The following ZNF571 variants were observed in gnomAD, a reference collection of about 807,000 sequenced individuals.
ZNF571 encodes zinc finger protein 571.
A neutral mutation model predicts 7.7 loss-of-function variants in ZNF571; 4 were observed. That is an observed-to-expected ratio of 0.52 (90% confidence interval 0.25 to 1.18). The LOEUF (loss-of-function observed/expected upper bound fraction) is 1.18, where lower values mean the gene tolerates loss of function less well. Ranked by LOEUF, ZNF571 falls within the 50% of genes most tolerant of loss-of-function variation. The pLI is 0.14. For missense variants in ZNF571, 704 were observed against 726.9 expected, an observed-to-expected ratio of 0.97 and a Z score of 0.36; for synonymous variants, 251 against 232.4, an observed-to-expected ratio of 1.08 and a Z score of -0.73.
chr19:37,593,307 G>T (rs1009653238), intron 1 of ZNF571, among the ~76,000 whole-genome samples: 1 of 152,130 alleles, frequency 6.6e-6, no homozygotes, highest in Non-Finnish European at 1.5e-5. Context: ...TGAACATGTT[G>T]GGGTTCGTAT....
chr19:37,566,527 G>A (rs2042867220), intron 3 of ZNF571: 2 of 444,044 alleles, frequency 4.5e-6, no homozygotes, highest in Non-Finnish European at 7.8e-6. Context: ...TCAAACTTTG[G>A]AATGGCTTAG....
At chr19:37,570,798 G>A (rs768875835) in intron 3 of ZNF571, among the ~76,000 whole-genome samples, 3 of 152,004 alleles carry the variant, frequency 2.0e-5, no homozygotes, top group Non-Finnish European at 4.4e-5. Flanking sequence ...TAAATAGAAG[G>A]CATTATAGCA....
intron 2 of ZNF571, chr19:37,585,691 A>C (rs1329712201): frequency 6.6e-6 from 1 of 152,194 alleles, no homozygotes; most frequent in African/African-American, 2.4e-5. Flanking sequence ...CATCTCTTAA[A>C]CTTTCAAGTG....
At chr19:37,570,796 A>G (rs2043022511) in intron 3 of ZNF571, among the ~76,000 whole-genome samples, 1 of 152,208 alleles carries the variant, frequency 6.6e-6, no homozygotes, top group African/African-American at 2.4e-5. Context: ...TATAAATAGA[A>G]GGCATTATAG....
At chr19:37,587,011 C>T (rs13744) in intron 1 of ZNF571, 71,672 of 291,970 alleles carry the variant, frequency 0.25, 11,011 homozygotes, top group East Asian at 0.67. Flanking sequence ...GAGCCCCCCA[C>T]CATCCTCCTG....
At chr19:37,571,318 A>T (rs939785673) in intron 3 of ZNF571, among the ~76,000 whole-genome samples, 2 of 152,048 alleles carry the variant, frequency 1.3e-5, no homozygotes, top group South Asian at 4.1e-4. Flanking sequence ...AACATGGTGA[A>T]ACTCCCAGCT....
At chr19:37,577,616 A>C (rs1165581504) in intron 3 of ZNF571, among the ~76,000 whole-genome samples, 1 of 152,230 alleles carries the variant, frequency 6.6e-6, no homozygotes, top group African/African-American at 2.4e-5. Flanking sequence ...CAAGCTACCC[A>C]CAGACTAACT....
intron 2 of ZNF571, 64 bp from the exon 3 acceptor site, chr19:37,584,161 A>T (rs1238776539): frequency 6.2e-7 from 1 of 1,607,818 alleles, no homozygotes; most frequent in Non-Finnish European, 8.5e-7. Context: ...AATGAGAAGA[A>T]AATGGAGGAG....
chr19:37,574,338 G>C (rs180808213), intron 3 of ZNF571, among the ~76,000 whole-genome samples: 1 of 152,168 alleles, frequency 6.6e-6, no homozygotes, highest in East Asian at 1.9e-4. Context: ...GGACAACCCT[G>C]CTTTTCAACT....
intron 1 of ZNF571, among the ~76,000 whole-genome samples, chr19:37,589,075 T>C (rs934235414): frequency 2.0e-5 from 3 of 151,400 alleles, no homozygotes; most frequent in Admixed American, 6.6e-5. Context: ...TGGCGGGTGC[T>C]TGTGATCCCA....
At chr19:37,575,486 GACA>G (rs1330598824) in intron 3 of ZNF571, 2 of 152,118 alleles carry the variant, frequency 1.3e-5, no homozygotes, top group Non-Finnish European at 2.9e-5. Context: ...ATCAATCCTT[GACA>G]ACAAGCTTAT....
intron 3 of ZNF571, among the ~76,000 whole-genome samples, chr19:37,579,294 G>GGGGGAACT (rs2043360573): frequency 6.6e-6 from 1 of 152,184 alleles, no homozygotes; most frequent in Non-Finnish European, 1.5e-5. Flanking sequence ...TAGGGGCCTG[G>GGGGGAACT]GGGGAACTGG....
chr19:37,575,177 A>G (rs773945623), intron 3 of ZNF571, among the ~76,000 whole-genome samples: 16 of 152,198 alleles, frequency 1.1e-4, no homozygotes, highest in Non-Finnish European at 2.4e-4. Flanking sequence ...GTTAAATGCT[A>G]TGTCAGTACT....
In ZNF571 at chr19:37,564,948, T is replaced by C; in HGVS notation, c.1480A>G (p.Arg494Gly). 1 of 1,613,942 alleles carries C rather than the reference T, an allele frequency of 6.2e-7. No individual in the cohort carries two copies. Among genetic ancestry groups the C allele is most frequent in the Non-Finnish European group, 8.5e-7 (1 of 1,179,918 alleles). ...TAGGGCTTTTCACCTGTATGAATTC[T>C]TTGATGATATGTAAGTTGTGTAGCA... ...VRATQLTYHQ[R>G]IHTGEKPYKC... The change falls in exon 4 of 4, where the codon AGA becomes GGA. Residue 494 changes from arginine to glycine, a missense_variant. Transcript: ENST00000451802.
chr19:37,577,484 A>G lies in ZNF571; in HGVS notation c.136+6487T>C, dbSNP rs16974030. On this transcript the variant is annotated intron_variant, in intron 3 of 3. Transcript: ENST00000451802. Reference sequence around the variant, plus strand: ...CTTCAGGTGCTACAGAAAAAGTATCATAATGCAAAGATGAAAGAATATTAA... The same window carrying G: ...CTTCAGGTGCTACAGAAAAAGTATCGTAATGCAAAGATGAAAGAATATTAA... Among the ~76,000 whole-genome samples, 1,228 of 152,348 alleles carry G rather than the reference A, an allele frequency of 8.1e-3. 13 individuals are homozygous for G. The highest frequency in any genetic ancestry group is 0.028 in the African/African-American group (1,160 of 41,570).
intron 3 of ZNF571, among the ~76,000 whole-genome samples, chr19:37,580,359 A>G (rs960324713): frequency 2.0e-5 from 3 of 152,208 alleles, no homozygotes; most frequent in Non-Finnish European, 2.9e-5. Context: ...ACTGATTCCC[A>G]TATTTTCAGG....
intron 3 of ZNF571, among the ~76,000 whole-genome samples, chr19:37,577,272 AC>A (rs952720787): frequency 3.9e-5 from 6 of 152,180 alleles, no homozygotes; most frequent in Non-Finnish European, 5.9e-5. Flanking sequence ...GTAAATCATA[AC>A]AAAGTAAGCA....
At chr19:37,580,771 A>G (rs2043427615) in intron 3 of ZNF571, among the ~76,000 whole-genome samples, 2 of 152,172 alleles carry the variant, frequency 1.3e-5, no homozygotes, top group Admixed American at 1.3e-4. Flanking sequence ...ACCTTCCATC[A>G]TGAATGGAAG....
At chr19:37,590,290 A>G (rs2043829530) in intron 1 of ZNF571, among the ~76,000 whole-genome samples, 1 of 151,928 alleles carries the variant, frequency 6.6e-6, no homozygotes, top group Admixed American at 6.6e-5. Context: ...GGTGGTGGGC[A>G]CCTGTAGTCC....
Sources: allele counts gnomAD v4.1 joint callset (sites outside exome capture counted in the v4.1 genomes callset), GRCh38; gene constraint gnomAD v4.1.1; transcripts MANE v1.5; gene names NCBI Gene and HGNC (gene_info 2026-07-23, HGNC 2026-07-21).